The following GPHN variants were observed in gnomAD, a reference collection of about 807,000 sequenced individuals.
GPHN encodes the protein gephyrin.
GPHN carries 17 observed loss-of-function variants against 95.5 expected under a neutral mutation model. That is an observed-to-expected ratio of 0.18 (90% CI 0.12 to 0.27). The LOEUF is 0.27. Ranked by LOEUF, GPHN falls within the 10% of genes least tolerant of loss-of-function variation. The probability of loss-of-function intolerance (pLI) is 1.00; values close to 1 mark genes in which losing one functional copy is unlikely to be tolerated. For synonymous variants in GPHN, 320 were observed against 322.5 expected, an observed-to-expected ratio of 0.99 and a Z score of 0.08; for missense variants, 660 against 978.1, an observed-to-expected ratio of 0.67 and a Z score of 4.34.
chr14:67,463,781 C>T, the GPHN span, among the ~76,000 whole-genome samples: 3 of 152,100 alleles, frequency 2.0e-5, no homozygotes, highest in African/African-American at 7.2e-5. Context: ...CAACTAACTA[C>T]ATCTGAGCTA....
At chr14:67,163,135 T>C (rs2082064067) in intron 19 of GPHN, among the ~76,000 whole-genome samples, 2 of 151,750 alleles carry the variant, frequency 1.3e-5, no homozygotes, top group South Asian at 4.2e-4. Context: ...CGAGACCTCA[T>C]CTCTATTAAA....
At chr14:67,391,151 A>G in the GPHN span, among the ~76,000 whole-genome samples, 9 of 152,314 alleles carry the variant, frequency 5.9e-5, no homozygotes, top group South Asian at 1.7e-3. Context: ...AGCTACATGT[A>G]TATTTGTCAG....
At chr14:67,312,940 T>C in the GPHN span, among the ~76,000 whole-genome samples, 1 of 152,206 alleles carries the variant, frequency 6.6e-6, no homozygotes, top group African/African-American at 2.4e-5. Context: ...CAATCCCATA[T>C]TGTAGTACAT....
At chr14:67,173,618 C>T (rs904560977) in intron 21 of GPHN, among the ~76,000 whole-genome samples, 1 of 152,142 alleles carries the variant, frequency 6.6e-6, no homozygotes. Context: ...ACCAGGTGCA[C>T]AGATTCATGC....
At chr14:67,616,562 T>C in the GPHN span, 1 of 152,602 alleles carries the variant, frequency 6.6e-6, no homozygotes, top group South Asian at 2.1e-4. Flanking sequence ...TTGTTGTCCT[T>C]TTAAAAATGA....
the GPHN span, among the ~76,000 whole-genome samples, chr14:67,316,177 A>G: frequency 1.3e-5 from 2 of 152,212 alleles, no homozygotes; most frequent in Admixed American, 6.5e-5. Context: ...AGGAAAAGAC[A>G]TATTTGATTT....
intron 1 of GPHN, among the ~76,000 whole-genome samples, chr14:66,604,932 C>A (rs149204336): frequency 1.4e-3 from 193 of 140,576 alleles, no homozygotes; most frequent in African/African-American, 4.7e-3. Context: ...TTATTTAGGT[C>A]ACGCTTACAA....
chr14:67,578,227 A>G, the GPHN span: 1 of 1,604,078 alleles, frequency 6.2e-7, no homozygotes, highest in Non-Finnish European at 8.5e-7. The surrounding 1 kb of genome is among the most constrained non-coding windows in gnomAD (Gnocchi z 5.0). Context: ...GGAGCAGCTG[A>G]CAGAAGCCAT....
intron 2 of GPHN, among the ~76,000 whole-genome samples, chr14:66,683,319 C>A (rs2067055385): frequency 1.1e-4 from 2 of 18,620 alleles, no homozygotes; most frequent in African/African-American, 2.0e-4. Context: ...AAAGAAATGC[C>A]CAATGTGGAA....
At chr14:67,137,666 G>C (rs2080176771) in intron 17 of GPHN, among the ~76,000 whole-genome samples, 1 of 152,092 alleles carries the variant, frequency 6.6e-6, no homozygotes, top group African/African-American at 2.4e-5. Flanking sequence ...TCAGGAGGCT[G>C]AGGTGGGAGG....
intron 2 of GPHN, among the ~76,000 whole-genome samples, chr14:66,698,045 T>G (rs2068232415): frequency 6.6e-6 from 1 of 152,084 alleles, no homozygotes; most frequent in South Asian, 2.1e-4. Flanking sequence ...TATGACCCAT[T>G]CGAAAGCACT....
chr14:66,717,688 C>G (rs1805920201), intron 2 of GPHN, among the ~76,000 whole-genome samples: 1 of 152,132 alleles, frequency 6.6e-6, no homozygotes, highest in South Asian at 2.1e-4. Context: ...TTCTTTGGCC[C>G]ACAGGGGTTT....
chr14:67,600,348 G>C, the GPHN span: 12 of 658,950 alleles, frequency 1.8e-5, no homozygotes, highest in Admixed American at 2.1e-4. Context: ...CGCGCCGAGA[G>C]CTCTGCTGGG....
chr14:67,332,238 G>C, the GPHN span, among the ~76,000 whole-genome samples: 1 of 152,072 alleles, frequency 6.6e-6, no homozygotes, highest in Non-Finnish European at 1.5e-5. Flanking sequence ...TTGTAAAATG[G>C]CCCTTTCCTT....
At chr14:67,144,286 T>TATATACATATATATATATATATAC (rs1421893686) in intron 18 of GPHN, among the ~76,000 whole-genome samples, 1 of 78,126 alleles carries the variant, frequency 1.3e-5, no homozygotes, top group Non-Finnish European at 2.3e-5. Context: ...TATATATATA[T>TATATACATATATATATATATATAC]ACACACACAC....
chr14:67,235,350 C>T, the GPHN span, among the ~76,000 whole-genome samples: 2 of 152,134 alleles, frequency 1.3e-5, no homozygotes. Flanking sequence ...TCTTTCTTAA[C>T]ATTTGGGCTT....
At chr14:67,554,602 C>A in the GPHN span, among the ~76,000 whole-genome samples, 5 of 152,316 alleles carry the variant, frequency 3.3e-5, 1 homozygote, top group African/African-American at 1.2e-4. Flanking sequence ...TCTGCTTCTG[C>A]GGGTCCTCCA....
At chr14:67,292,514 T>C in the GPHN span, 2 of 1,603,812 alleles carry the variant, frequency 1.2e-6, no homozygotes, top group South Asian at 2.2e-5. Context: ...CTACTAGAAA[T>C]AGAAGACTTG....
chr14:66,861,318 C>T (rs1180727938), intron 4 of GPHN, among the ~76,000 whole-genome samples: 2 of 151,758 alleles, frequency 1.3e-5, no homozygotes, highest in African/African-American at 4.8e-5. Context: ...CAGCAATGAA[C>T]CCAATGCTGG....
Sources: gnomAD v4.1 joint callset for allele counts (sites outside exome capture counted in the v4.1 genomes callset) on GRCh38, gnomAD v4.1.1 for gene constraint, Gnocchi (gnomAD v3.1) non-coding constraint, MANE v1.5 for transcripts, NCBI Gene and HGNC (gene_info 2026-07-23, HGNC 2026-07-21) for gene names.